Variants in ZNF385D observed in about 807,000 individuals in gnomAD.
ZNF385D encodes zinc finger protein 659.
A neutral mutation model predicts 35.8 loss-of-function variants in ZNF385D; 15 were observed. The ratio of observed to expected loss-of-function variants is 0.42; its 90% CI spans 0.28 to 0.64. The LOEUF is 0.64. ZNF385D is among the 30% of genes least tolerant of loss of function. The pLI, the probability that ZNF385D is intolerant of heterozygous loss-of-function variation, is 0.23. For synonymous variants in ZNF385D, 212 were observed against 186.8 expected (o/e 1.13, Z -1.10); for missense variants, 474 against 494.6 (o/e 0.96, Z 0.39).
chr3:21,699,823 C>CTTTTTTTTT (rs1006362754), intron 1 of ZNF385D, among the ~76,000 whole-genome samples: 15 of 88,898 alleles, frequency 1.7e-4, no homozygotes, highest in African/African-American at 3.4e-4. Flanking sequence ...GTTTCTTTTC[C>CTTTTTTTTT]TTTTTTTTTT....
At chr3:21,584,568 T>G (rs568577198) in intron 2 of ZNF385D, among the ~76,000 whole-genome samples, 4 of 147,580 alleles carry the variant, frequency 2.7e-5, no homozygotes, top group Non-Finnish European at 6.1e-5. Flanking sequence ...ATTTTTTAGC[T>G]TCAAGCAAAG....
intron 2 of ZNF385D, among the ~76,000 whole-genome samples, chr3:21,634,312 GGAGAAAGGAAA>G (rs1400328092): frequency 4.1e-5 from 6 of 147,518 alleles, no homozygotes; most frequent in Admixed American, 3.4e-4. Flanking sequence ...GGAAGGGAAG[GGAGAAAGGAAA>G]GAGGAAGGAA....
chr3:22,201,169 A>C (rs918449797), intron 2 of ZNF385D, among the ~76,000 whole-genome samples: 4 of 152,148 alleles, frequency 2.6e-5, no homozygotes, highest in African/African-American at 9.6e-5. Flanking sequence ...AAAGACAGGC[A>C]TAAGAAATTA....
At chr3:22,240,343 AAACT>A (rs1299964505) in intron 2 of ZNF385D, among the ~76,000 whole-genome samples, 1 of 150,988 alleles carries the variant, frequency 6.6e-6, no homozygotes, top group Non-Finnish European at 1.5e-5. Flanking sequence ...CATAACCCAC[AAACT>A]AACTACAAGT....
chr3:22,180,068 T>G (rs142186135), intron 2 of ZNF385D, among the ~76,000 whole-genome samples: 4,188 of 151,768 alleles, frequency 0.028, 118 homozygotes, highest in South Asian at 0.12. Context: ...AAAGAGAGAA[T>G]AATCAAATAG....
intron 3 of ZNF385D, among the ~76,000 whole-genome samples, chr3:21,921,454 T>C (rs1700457293): frequency 6.6e-6 from 1 of 152,148 alleles, no homozygotes; most frequent in Non-Finnish European, 1.5e-5. Context: ...TCACATTACT[T>C]AAAGACAAAA....
In ZNF385D at chr3:21,845,395, G is replaced by C. The variant is rs148269019; in HGVS notation, c.326-180367C>G. On this transcript the variant is annotated intron_variant, in intron 3 of 5. Transcript: ENST00000494108. ...GTACACAGTAGCTCCTACGACTAAC[G>C]CTATTATATTTTCTCTCTCTTCTTC... Among the ~76,000 whole-genome samples, 207 of 151,976 alleles carry C rather than the reference G, an allele frequency of 1.4e-3. 1 individual carries two copies. The highest frequency in any genetic ancestry group is 4.8e-3 in the African/African-American group (201 of 41,514).
intron 2 of ZNF385D, among the ~76,000 whole-genome samples, chr3:22,287,781 A>T (rs1702100771): frequency 6.6e-6 from 1 of 152,074 alleles, no homozygotes; most frequent in Non-Finnish European, 1.5e-5. Context: ...AATAAGGTTA[A>T]CTTACACATT....
upstream of ZNF385D, chr3:21,751,295 C>T (rs1235336603): frequency 9.1e-7 from 1 of 1,101,974 alleles, no homozygotes; most frequent in Admixed American, 4.8e-5. Context: ...GACTGCCTGC[C>T]TGGACCAACC....
At chr3:22,100,127 A>T (rs1200695122) in intron 3 of ZNF385D, among the ~76,000 whole-genome samples, 9 of 145,744 alleles carry the variant, frequency 6.2e-5, no homozygotes, top group South Asian at 2.3e-4. Flanking sequence ...TCAAAACCAC[A>T]ATGAGATATC....
At chr3:21,697,275 A>G (rs1315259327) in intron 1 of ZNF385D, among the ~76,000 whole-genome samples, 1 of 152,228 alleles carries the variant, frequency 6.6e-6, no homozygotes, top group Admixed American at 6.5e-5. Flanking sequence ...ACAGTGAATA[A>G]CATAGATTAA....
At chr3:22,070,810 C>T (rs1700193007) in intron 3 of ZNF385D, among the ~76,000 whole-genome samples, 1 of 151,998 alleles carries the variant, frequency 6.6e-6, no homozygotes, top group Non-Finnish European at 1.5e-5. Context: ...AGTTTATTTC[C>T]AATGATATAA....
intron 3 of ZNF385D, among the ~76,000 whole-genome samples, chr3:21,872,065 A>C (rs1427552100): frequency 6.6e-6 from 1 of 152,184 alleles, no homozygotes; most frequent in East Asian, 1.9e-4. Context: ...TTTAATAAAT[A>C]TACGTATTTT....
chr3:21,887,123 C>T (rs891030797), intron 3 of ZNF385D, among the ~76,000 whole-genome samples: 2 of 152,124 alleles, frequency 1.3e-5, no homozygotes, highest in African/African-American at 4.8e-5. Flanking sequence ...AGGAGAATCA[C>T]CTACAAATTT....
chr3:22,224,009 C>T (rs1274746731), intron 2 of ZNF385D, among the ~76,000 whole-genome samples: 1 of 152,114 alleles, frequency 6.6e-6, no homozygotes, highest in Non-Finnish European at 1.5e-5. Context: ...CCACAAATGC[C>T]TGTACCCTGA....
rs530929796 is a variant in ZNF385D at position 21,947,436 on chromosome 3, C to T, written c.325+221381G>A. The stretch of plus-strand genomic sequence containing the variant: ...CACAATCTCGTCTCACTGCAACCTC[C>T]GCCTCCTGGGTTCAAGCCATTCTCC... On this transcript the variant is annotated intron_variant, in intron 3 of 5. Transcript: ENST00000494108. Among the ~76,000 whole-genome samples, 4 of 152,190 alleles carry T rather than the reference C, an allele frequency of 2.6e-5. No individual in the cohort carries two copies. The East Asian group carries it at 5.8e-4, about 22-fold the overall frequency.
intron 2 of ZNF385D, among the ~76,000 whole-genome samples, chr3:22,268,082 G>C (rs560291427): frequency 6.6e-6 from 1 of 151,858 alleles, no homozygotes; most frequent in African/African-American, 2.4e-5. Context: ...TGCAGTTTCA[G>C]GTTGTTCTAA....
intron 2 of ZNF385D, among the ~76,000 whole-genome samples, chr3:22,170,258 C>T (rs988360843): frequency 2.0e-5 from 3 of 152,182 alleles, no homozygotes; most frequent in Non-Finnish European, 4.4e-5. Flanking sequence ...AACTGACAAG[C>T]ATCACAAAAG....
chr3:21,442,886 AGT>A (rs4045435), intron 4 of ZNF385D, among the ~76,000 whole-genome samples: 8,960 of 147,194 alleles, frequency 0.061, 279 homozygotes, highest in African/African-American at 0.085. Context: ...TCTGTGTATA[AGT>A]GTGTGTGTGT....
Sources: allele counts gnomAD v4.1 joint callset (sites outside exome capture counted in the v4.1 genomes callset), GRCh38; gene constraint gnomAD v4.1.1; transcripts MANE v1.5; gene names NCBI Gene and HGNC (gene_info 2026-07-23, HGNC 2026-07-21).